The following KIF1B variants were observed in gnomAD, a reference collection of about 807,000 sequenced individuals.
KIF1B encodes kinesin family member 1B.
Under a neutral mutation model 241.9 loss-of-function variants are expected in KIF1B, and 76 were observed. The observed-to-expected ratio is 0.31, with a 90% CI of 0.26 to 0.38. KIF1B has a LOEUF of 0.38. Among genes scored for constraint, KIF1B ranks in the 10% least tolerant of loss-of-function variants. The probability of loss-of-function intolerance (pLI) is 1.00; values close to 1 mark genes in which losing one functional copy is unlikely to be tolerated. For synonymous variants in KIF1B, 750 were observed against 796.7 expected (o/e 0.94, Z 0.99); for missense variants, 1,622 against 2,271.4 (o/e 0.71, Z 5.81).
intron 48 of KIF1B, among the ~76,000 whole-genome samples, chr1:10,376,154 G>A (rs1638884170): frequency 6.6e-6 from 1 of 152,132 alleles, no homozygotes; most frequent in African/African-American, 2.4e-5. Flanking sequence ...GGACAGGAGT[G>A]TAAATTGGTT....
intron 12 of KIF1B, among the ~76,000 whole-genome samples, chr1:10,277,749 T>C (rs776199593): frequency 1.1e-4 from 17 of 152,180 alleles, no homozygotes; most frequent in Non-Finnish European, 2.4e-4. Flanking sequence ...GTCTCATAAG[T>C]TGGGTTTAAG....
At position 10,336,730 on chromosome 1, in the gene KIF1B, A is replaced by G; in HGVS notation, c.3117A>G (p.Glu1039=). The G allele has an allele frequency of 6.2e-7, 1 of 1,612,566 alleles. No individual in the cohort carries two copies. The highest frequency in any genetic ancestry group is 2.2e-5 in the East Asian group (1 of 44,862). The change falls in exon 29 of 49, where the codon GAA becomes GAG. Residue 1039 remains glutamate, a synonymous_variant. Coordinates refer to ENST00000676179, the MANE Select transcript of KIF1B (RefSeq NM_001365951.3). ...CAGCTAAAATATCTTTTGATAATGAATACTTTAATCAGGTGAGAAACCGTC... is the reference window on the plus strand; with the variant it reads ...CAGCTAAAATATCTTTTGATAATGAGTACTTTAATCAGGTGAGAAACCGTC... ...SGTAKISFDN[E]YFNQSDFSSV...
rs70998362 is a variant in KIF1B, at chr1:10,216,957, C to CTTTTTTTTTT, written c.-80+6104_-80+6113dup. On this transcript the variant is annotated intron_variant, in intron 1 of 48. Transcript: ENST00000676179. Reference sequence around the variant, plus strand: ...TTTCCCTGCAGTACTTGCCCATTTTCTTTTTTTTTTTTTTTTTTTTTTTTT... The same window carrying CTTTTTTTTTT: ...TTTCCCTGCAGTACTTGCCCATTTTCTTTTTTTTTTTTTTTTTTTTTTTTTTTTTTTTTTT... 1.3e-3 allele frequency among the ~76,000 whole-genome samples: 72 copies of CTTTTTTTTTT among 54,518 alleles called. 6 individuals are homozygous for CTTTTTTTTTT. The highest frequency in any genetic ancestry group is 3.6e-3 in the African/African-American group (55 of 15,224). 35.8% of individuals were successfully genotyped at this position (54,518 alleles called of 152,430 possible). A position where few individuals can be genotyped will look rare whatever the true frequency, so the allele number is the denominator to read the frequency against.
intron 15 of KIF1B, among the ~76,000 whole-genome samples, chr1:10,287,469 C>T (rs74729309): frequency 0.019 from 2,855 of 152,228 alleles, 41 homozygotes; most frequent in Non-Finnish European, 0.028. Context: ...CCAGAATAAA[C>T]GATTTTGCAG....
intron 36 of KIF1B, 70 bp downstream of exon 36, chr1:10,347,897 C>A: frequency 7.9e-7 from 1 of 1,261,028 alleles, no homozygotes; most frequent in Non-Finnish European, 1.2e-6. Context: ...AGACGGAATT[C>A]TTTCTTATTC....
intron 1 of KIF1B, among the ~76,000 whole-genome samples, chr1:10,224,777 G>C (rs1270405210): frequency 6.6e-6 from 1 of 152,114 alleles, no homozygotes; most frequent in Non-Finnish European, 1.5e-5. Flanking sequence ...TTGACATCCA[G>C]TTAAATAGGA....
chr1:10,233,010 T>C (rs1254644593), intron 2 of KIF1B, among the ~76,000 whole-genome samples: 1 of 152,232 alleles, frequency 6.6e-6, no homozygotes, highest in Non-Finnish European at 1.5e-5. Flanking sequence ...TATGGTTCCA[T>C]AGGCAAATTA....
At chr1:10,286,074 C>T (rs913474490) in intron 15 of KIF1B, among the ~76,000 whole-genome samples, 12 of 151,682 alleles carry the variant, frequency 7.9e-5, no homozygotes, top group Middle Eastern at 3.2e-3. Context: ...GAGTCTTGCT[C>T]TGTTGCCCAG....
In KIF1B at chr1:10,276,341, A is replaced by G. The variant is rs768481583; in HGVS notation, c.979A>G (p.Met327Val). Residue 327 changes from methionine to valine, a missense_variant, in exon 12 of 49, where the codon ATG becomes GTG. Transcript: ENST00000676179. ...TTTAGGTGGCAATTCTCGGACTGCA[A>G]TGGTTGCTGCTCTGAGCCCCGCGGA... ...ENLGGNSRTAMVAALSPADIN... is the reference protein window; with the variant it reads ...ENLGGNSRTAVVAALSPADIN... 9 of 1,613,808 alleles carry G rather than the reference A, an allele frequency of 5.6e-6. No individual in the cohort carries two copies. The highest frequency in any genetic ancestry group is 5.9e-6 in the Non-Finnish European group (7 of 1,179,856).
At position 10,295,734 on chromosome 1, in the gene KIF1B, T is replaced by C. The variant is rs112486624; in HGVS notation, c.1745T>C (p.Ile582Thr). 6.2e-7 allele frequency: 1 copy of C among 1,613,760 alleles called. No homozygotes were observed. Among genetic ancestry groups the C allele is most frequent in the Non-Finnish European group, 8.5e-7 (1 of 1,179,912 alleles). The change falls in exon 19 of 49, where the codon ATC becomes ACC. Residue 582 changes from isoleucine (I) to threonine (T), a missense_variant. Ile to Thr is a moderately conservative substitution (Grantham distance 89, BLOSUM62 -1). Coordinates refer to ENST00000676179, the MANE Select transcript of KIF1B (RefSeq NM_001365951.3). ...GCTCACATTAAAGAAGAGCATTGTA[T>C]CTTCCGGAGTGAGAGAAGCAACAGC... ...SGAHIKEEHCIFRSERSNSGE... is the reference protein window; with the variant it reads ...SGAHIKEEHCTFRSERSNSGE...
chr1:10,269,160 A>G (rs1648640995), intron 7 of KIF1B, among the ~76,000 whole-genome samples: 1 of 152,150 alleles, frequency 6.6e-6, no homozygotes, highest in South Asian at 2.1e-4. Context: ...CACTGTCACT[A>G]ATTATTAAAA....
intron 1 of KIF1B, among the ~76,000 whole-genome samples, chr1:10,215,246 G>A (rs1180424481): frequency 7.5e-6 from 1 of 133,722 alleles, no homozygotes; most frequent in African/African-American, 2.8e-5. Flanking sequence ...GCGCGATCTC[G>A]GCTCACCGTA....
chr1:10,358,683 C>CAG lies in KIF1B; in HGVS notation c.4056-2245_4056-2244insGA, dbSNP rs1553169859. On this transcript the variant is annotated intron_variant, in intron 38 of 48. Coordinates refer to ENST00000676179, the MANE Select transcript of KIF1B (RefSeq NM_001365951.3). ...GGGTGACAAAAGCAAGACTCTGTCT[C>CAG]AAAAAAAAAAAAAAAAAACAGATCT... is the stretch of plus-strand genomic sequence containing the variant. Among the ~76,000 whole-genome samples the CAG allele has an allele frequency of 2.0e-3, 158 of 79,290 alleles. 2 individuals carry two copies. Among genetic ancestry groups the CAG allele is most frequent in the Admixed American group, 3.3e-3 (22 of 6,760 alleles). The allele number at this position is 79,290 out of a possible 152,430, so 52.0% of individuals were successfully genotyped here.
rs1458995395 is a variant in KIF1B, at chr1:10,303,984, A to G, written c.2115+6738A>G. 19 of 1,613,216 alleles carry G rather than the reference A, an allele frequency of 1.2e-5. No individual in the cohort carries two copies. Among genetic ancestry groups the G allele is most frequent in the Non-Finnish European group, 1.4e-5 (17 of 1,179,480 alleles). ...AGCAAATTCGGTTTAAGAACTTGCAACAGCAGGAGATAACAAAGCAGCTTC... is the reference window on the plus strand; with the variant it reads ...AGCAAATTCGGTTTAAGAACTTGCAGCAGCAGGAGATAACAAAGCAGCTTC... On this transcript the variant is annotated intron_variant, in intron 22 of 48. Coordinates refer to ENST00000676179, the MANE Select transcript of KIF1B (RefSeq NM_001365951.3). The surrounding 1 kb of genome is among the most constrained non-coding windows in gnomAD (Gnocchi z 5.2).
intron 38 of KIF1B, among the ~76,000 whole-genome samples, chr1:10,359,598 T>C (rs572883898): frequency 1.3e-5 from 2 of 152,318 alleles, no homozygotes; most frequent in East Asian, 3.9e-4. Context: ...TAAGTTTCCA[T>C]TTGTTACATA....
intron 2 of KIF1B, among the ~76,000 whole-genome samples, chr1:10,233,338 G>A (rs185688722): frequency 3.9e-4 from 60 of 152,166 alleles, no homozygotes; most frequent in East Asian, 1.5e-3. Flanking sequence ...TTTGAAGGCC[G>A]GGTGTGGTGG....
intron 5 of KIF1B, among the ~76,000 whole-genome samples, chr1:10,264,307 G>A (rs991341984): frequency 3.7e-4 from 56 of 152,348 alleles, no homozygotes; most frequent in African/African-American, 1.2e-3. Flanking sequence ...AACAGTGCCT[G>A]TAAGAGAACG....
intron 10 of KIF1B, among the ~76,000 whole-genome samples, chr1:10,273,827 G>A (rs1208102435): frequency 6.6e-6 from 1 of 150,780 alleles, no homozygotes; most frequent in Non-Finnish European, 1.5e-5. Flanking sequence ...GCAATAGTAG[G>A]ATCATCCTTA....
chr1:10,285,555 A>G (rs1205177129), intron 15 of KIF1B, among the ~76,000 whole-genome samples: 1 of 152,230 alleles, frequency 6.6e-6, no homozygotes, highest in Non-Finnish European at 1.5e-5. Flanking sequence ...ATTCTTCCTT[A>G]CGCCAAAATA....
Sources: allele counts gnomAD v4.1 joint callset (sites outside exome capture counted in the v4.1 genomes callset), GRCh38; gene constraint gnomAD v4.1.1; non-coding constraint Gnocchi (gnomAD v3.1); transcripts MANE v1.5; gene names NCBI Gene and HGNC (gene_info 2026-07-23, HGNC 2026-07-21).